Variants in IGFL2 observed in about 807,000 individuals in gnomAD.
IGFL2 encodes the protein IGF like family member 2.
IGFL2 carries 7 observed loss-of-function variants against 13.9 expected under a neutral mutation model. The ratio of observed to expected loss-of-function variants is 0.51; its 90% confidence interval spans 0.29 to 0.95. IGFL2 has a LOEUF of 0.95. Among genes scored for constraint, IGFL2 ranks in the 40% least tolerant of loss-of-function variants. The pLI is 0.08. For missense variants in IGFL2, 138 were observed against 147.8 expected (o/e 0.93, Z 0.34); for synonymous variants, 55 against 55.8 (o/e 0.99, Z 0.07).
intron 3 of IGFL2, 31 bp from the exon 4 acceptor site, chr19:46,161,039 T>A: frequency 6.3e-7 from 1 of 1,579,164 alleles, no homozygotes; most frequent in Non-Finnish European, 8.6e-7. Context: ...TGTCTGTTAT[T>A]CGTAATTTCT....
At chr19:46,140,267 A>ATATC (rs1972802543), upstream of IGFL2, among the ~76,000 whole-genome samples, 2 of 141,486 alleles carry the variant, frequency 1.4e-5, no homozygotes, top group African/African-American at 5.3e-5. Context: ...ATATATATAT[A>ATATC]TCTCAAAATG....
chr19:46,175,687 C>T, the IGFL2 span, among the ~76,000 whole-genome samples: 12 of 150,794 alleles, frequency 8.0e-5, no homozygotes, highest in African/African-American at 1.5e-4. Context: ...TACAGGCGCC[C>T]GCCACCACAC....
the IGFL2 span, among the ~76,000 whole-genome samples, chr19:46,132,141 C>G: frequency 6.6e-6 from 1 of 152,198 alleles, no homozygotes; most frequent in Non-Finnish European, 1.5e-5. Context: ...TTCACACACA[C>G]ACAGAGAAAG....
At chr19:46,110,822 T>G in the IGFL2 span, among the ~76,000 whole-genome samples, 354 of 152,340 alleles carry the variant, frequency 2.3e-3, 2 homozygotes, top group African/African-American at 8.0e-3. Context: ...CATCATGATC[T>G]TATATTTTAA....
At chr19:46,087,955 C>G in the IGFL2 span, among the ~76,000 whole-genome samples, 18 of 152,286 alleles carry the variant, frequency 1.2e-4, no homozygotes, top group Non-Finnish European at 1.9e-4. Context: ...CTCATTGGAG[C>G]AATGCCATAG....
chr19:46,160,526 A>G, intron 2 of IGFL2, 58 bp downstream of exon 2: 2 of 1,612,272 alleles, frequency 1.2e-6, no homozygotes, highest in Middle Eastern at 1.7e-4. Flanking sequence ...GAAAGTGGGC[A>G]TGGGGGTTCA....
chr19:46,124,403 G>T, the IGFL2 span: 10 of 1,427,482 alleles, frequency 7.0e-6, no homozygotes, highest in Non-Finnish European at 9.8e-6. Context: ...ACAAACAGAG[G>T]TTAGGGTGGT....
At chr19:46,121,445 A>G in the IGFL2 span, among the ~76,000 whole-genome samples, 99 of 149,292 alleles carry the variant, frequency 6.6e-4, 1 homozygote, top group Non-Finnish European at 1.2e-3. Flanking sequence ...TTTTCCTCCC[A>G]TCCTACTTAC....
chr19:46,197,122 C>A, the IGFL2 span: 1 of 225,652 alleles, frequency 4.4e-6, no homozygotes, highest in South Asian at 6.9e-5. Context: ...ATGACAATGC[C>A]ATCCTGCCCT....
At chr19:46,166,326 C>T in the IGFL2 span, among the ~76,000 whole-genome samples, 1 of 152,032 alleles carries the variant, frequency 6.6e-6, no homozygotes, top group Admixed American at 6.5e-5. Context: ...GCCCCACAAG[C>T]CACAAAAACC....
At chr19:46,106,969 T>G in the IGFL2 span, among the ~76,000 whole-genome samples, 1 of 152,092 alleles carries the variant, frequency 6.6e-6, no homozygotes, top group African/African-American at 2.4e-5. Context: ...CAGTGAGGTG[T>G]GGCTGTAGCC....
At chr19:46,079,269 C>G in the IGFL2 span, among the ~76,000 whole-genome samples, 1 of 152,262 alleles carries the variant, frequency 6.6e-6, no homozygotes, top group South Asian at 2.1e-4. Flanking sequence ...ATGGCTGGGG[C>G]TGCTCGTTGG....
chr19:46,191,402 C>T, the IGFL2 span, among the ~76,000 whole-genome samples: 2 of 152,116 alleles, frequency 1.3e-5, no homozygotes, highest in Non-Finnish European at 2.9e-5. Context: ...AGTTTGGCCT[C>T]AACCTGAGCT....
chr19:46,193,568 A>C, the IGFL2 span, among the ~76,000 whole-genome samples: 3 of 152,102 alleles, frequency 2.0e-5, no homozygotes, highest in African/African-American at 7.2e-5. Flanking sequence ...AAAATTCTCC[A>C]CTTAATAAGG....
At chr19:46,193,168 G>T in the IGFL2 span, among the ~76,000 whole-genome samples, 2 of 152,074 alleles carry the variant, frequency 1.3e-5, no homozygotes, top group Non-Finnish European at 2.9e-5. Flanking sequence ...CTCCAGCCTG[G>T]GGGACAGAGC....
At chr19:46,104,274 G>A in the IGFL2 span, among the ~76,000 whole-genome samples, 2,340 of 152,256 alleles carry the variant, frequency 0.015, 51 homozygotes, top group African/African-American at 0.052. Context: ...TTCTGAGAAG[G>A]GCAAGAGGTA....
the IGFL2 span, among the ~76,000 whole-genome samples, chr19:46,192,423 C>CT: frequency 9.2e-3 from 1,305 of 142,330 alleles, 7 homozygotes; most frequent in Non-Finnish European, 0.014. Context: ...CATTCTTTTG[C>CT]TTTTTTTTTT....
chr19:46,095,184 C>T, the IGFL2 span, among the ~76,000 whole-genome samples: 1 of 152,192 alleles, frequency 6.6e-6, no homozygotes, highest in East Asian at 1.9e-4. Context: ...GCCTTGCCAG[C>T]AACTGTTGTT....
chr19:46,194,299 C>T, the IGFL2 span, among the ~76,000 whole-genome samples: 1 of 152,142 alleles, frequency 6.6e-6, no homozygotes, highest in Non-Finnish European at 1.5e-5. Context: ...GCAAGGGCCT[C>T]TCTCTGCCTG....
Sources: allele counts gnomAD v4.1 joint callset (sites outside exome capture counted in the v4.1 genomes callset), GRCh38; gene constraint gnomAD v4.1.1; transcripts MANE v1.5; gene names NCBI Gene and HGNC (gene_info 2026-07-23, HGNC 2026-07-21).